The following CACHD1 variants were observed in gnomAD, a reference collection of about 807,000 sequenced individuals.
CACHD1 encodes cache domain containing 1, also known as VWFA and cache domain-containing protein 1.
A neutral mutation model predicts 138.7 loss-of-function variants in CACHD1; 71 were observed. The ratio of observed to expected loss-of-function variants is 0.51; its 90% CI spans 0.42 to 0.62. CACHD1 has a LOEUF of 0.62. Among genes scored for constraint, CACHD1 ranks in the 20% least tolerant of loss-of-function variants. The pLI is 0.00. For synonymous variants in CACHD1, 578 were observed against 591.5 expected, an observed-to-expected ratio of 0.98 and a Z score of 0.33; for missense variants, 1,389 against 1,625.3, an observed-to-expected ratio of 0.85 and a Z score of 2.50.
chr1:64,651,263 C>T lies in CACHD1; in HGVS notation c.1391-898C>T, dbSNP rs146820293. Reference sequence around the variant, plus strand: ...CATAAAAATTTAGGAACTCCTGGCCCGAATGACTGGAAATACATTCCTTTG... The same window carrying T: ...CATAAAAATTTAGGAACTCCTGGCCTGAATGACTGGAAATACATTCCTTTG... On this transcript the variant is annotated intron_variant, in intron 9 of 26. Coordinates refer to ENST00000651257, the MANE Select transcript of CACHD1 (RefSeq NM_020925.4). 2.0e-5 allele frequency among the ~76,000 whole-genome samples: 3 copies of T among 152,230 alleles called. No individual in the cohort carries two copies. The East Asian group carries it at 5.8e-4, about 29-fold the overall frequency.
At chr1:64,585,113 G>A (rs1322177737) in intron 3 of CACHD1, among the ~76,000 whole-genome samples, 1 of 152,204 alleles carries the variant, frequency 6.6e-6, no homozygotes, top group Non-Finnish European at 1.5e-5. Context: ...GGATTAGTTA[G>A]GAAAATTGTA....
chr1:64,487,694 A>T (rs1339030565), intron 1 of CACHD1, among the ~76,000 whole-genome samples: 2 of 152,330 alleles, frequency 1.3e-5, no homozygotes, highest in East Asian at 3.9e-4. Flanking sequence ...CAAGACAGAC[A>T]TGAAACAAAG....
chr1:64,688,044 G>T (rs1396757110), intron 26 of CACHD1, among the ~76,000 whole-genome samples: 1 of 151,844 alleles, frequency 6.6e-6, no homozygotes. Context: ...GGTTGGGAAA[G>T]CTTCCCAGAG....
intron 13 of CACHD1, among the ~76,000 whole-genome samples, chr1:64,660,389 G>A (rs1649401739): frequency 6.6e-6 from 1 of 152,046 alleles, no homozygotes; most frequent in Non-Finnish European, 1.5e-5. Context: ...TCCAAATTGA[G>A]GTGTATGGTA....
At chr1:64,676,795 A>G (rs1406696568) in intron 21 of CACHD1, 100 bp from the exon 22 acceptor site, 1 of 881,100 alleles carries the variant, frequency 1.1e-6, no homozygotes, top group East Asian at 2.5e-5. Flanking sequence ...CAAAGCCAGG[A>G]TTCAAACCCA....
intron 1 of CACHD1, among the ~76,000 whole-genome samples, chr1:64,508,001 G>T (rs952587594): frequency 6.6e-6 from 1 of 152,178 alleles, no homozygotes; most frequent in African/African-American, 2.4e-5. Flanking sequence ...GGTTTCATAG[G>T]CTGTACAGAA....
intron 7 of CACHD1, among the ~76,000 whole-genome samples, chr1:64,637,349 T>G (rs1648560450): frequency 6.6e-6 from 1 of 152,172 alleles, no homozygotes; most frequent in Non-Finnish European, 1.5e-5. Flanking sequence ...ATCCAGAGGG[T>G]AGCTGCTCCT....
rs1205650758 is a variant in CACHD1 at position 64,653,796 on chromosome 1, T to A, written c.1579T>A (p.Leu527Ile). The A allele has an allele frequency of 6.2e-7, 1 of 1,613,396 alleles. No homozygotes were observed. Among genetic ancestry groups the A allele is most frequent in the Non-Finnish European group, 8.5e-7 (1 of 1,179,530 alleles). ...LMHPSLTRPY[L>I]LSEPPLHTDI... is the part of the protein sequence containing the mutation. ...GCACCCATCTCTTACCAGGCCATAT[T>A]TATTGTCAGAGCCCCCACTTCATAC... Residue 527 changes from leucine to isoleucine, a missense_variant, in exon 11 of 27, where the codon TTA (leucine) becomes ATA (isoleucine). Leu to Ile is a conservative substitution (Grantham distance 5). Transcript: ENST00000651257.
At chr1:64,625,228 T>G (rs939252352) in intron 4 of CACHD1, among the ~76,000 whole-genome samples, 3 of 152,158 alleles carry the variant, frequency 2.0e-5, no homozygotes, top group Non-Finnish European at 4.4e-5. Context: ...TTGTCACTTA[T>G]AAGTGGGAGC....
chr1:64,679,872 A>G lies in CACHD1; in HGVS notation c.3406+116A>G, dbSNP rs576501446. The G allele has an allele frequency of 1.3e-5, 16 of 1,215,370 alleles. No individual in the cohort carries two copies. The East Asian group carries it at 3.8e-4, about 29-fold the overall frequency. 75.3% of individuals were successfully genotyped at this position (1,215,370 alleles called of 1,614,324 possible). A position where few individuals can be genotyped will look rare whatever the true frequency, so the allele number is the denominator to read the frequency against. On this transcript the variant is annotated intron_variant, in intron 24 of 26. Transcript: ENST00000651257. Reference sequence around the variant, plus strand: ...AGTGCTATACTTTCAGCTTCTGTGGAGTCATTTTGGAAGTTCCCAAAGCCT... The same window carrying G: ...AGTGCTATACTTTCAGCTTCTGTGGGGTCATTTTGGAAGTTCCCAAAGCCT...
At chr1:64,618,310 A>AT (rs1647785968) in intron 4 of CACHD1, among the ~76,000 whole-genome samples, 1 of 152,188 alleles carries the variant, frequency 6.6e-6, no homozygotes, top group Non-Finnish European at 1.5e-5. Flanking sequence ...ACTTCTTGCC[A>AT]TCCCACTCAA....
intron 4 of CACHD1, among the ~76,000 whole-genome samples, chr1:64,614,191 T>C (rs1299886508): frequency 6.6e-6 from 1 of 152,248 alleles, no homozygotes; most frequent in African/African-American, 2.4e-5. Context: ...GCTGGGCATC[T>C]CCCTGTGCAT....
chr1:64,516,537 GA>G (rs952039137), intron 1 of CACHD1, among the ~76,000 whole-genome samples: 3 of 152,058 alleles, frequency 2.0e-5, no homozygotes, highest in Non-Finnish European at 2.9e-5. Context: ...TGTCACGTTG[GA>G]AAAAAGGAAT....
chr1:64,678,154 G>A lies in CACHD1; in HGVS notation c.3093-5G>A, dbSNP rs776030858. The A allele has an allele frequency of 6.2e-7, 1 of 1,608,592 alleles. No individual in the cohort carries two copies. The highest frequency in any genetic ancestry group is 1.1e-5 in the South Asian group (1 of 89,646). On this transcript the variant is annotated splice_polypyrimidine_tract_variant and splice_region_variant and intron_variant, in intron 22 of 26. Coordinates refer to ENST00000651257, the MANE Select transcript of CACHD1 (RefSeq NM_020925.4). ...ATAGAAGACTAAGTATTGTTTTTCT[G>A]GCAGGGACTGTTTTGGGGTGCTGGA...
At chr1:64,523,452 G>C (rs1442650873) in intron 1 of CACHD1, among the ~76,000 whole-genome samples, 1 of 152,188 alleles carries the variant, frequency 6.6e-6, no homozygotes, top group African/African-American at 2.4e-5. Context: ...TTACATAAAA[G>C]TGAGTCTTTC....
intron 5 of CACHD1, among the ~76,000 whole-genome samples, chr1:64,630,632 A>T (rs1325935582): frequency 1.3e-5 from 2 of 151,958 alleles, no homozygotes; most frequent in African/African-American, 4.8e-5. Context: ...TTCCCTCCCC[A>T]CACATTCTGG....
Position 64,664,538 on chromosome 1 carries a change from C to G in CACHD1, c.2135C>G (p.Thr712Arg). The G allele has an allele frequency of 6.2e-7, 1 of 1,614,224 alleles. No homozygotes were observed. The highest frequency in any genetic ancestry group is 8.5e-7 in the Non-Finnish European group (1 of 1,180,030). Residue 712 changes from threonine (T) to arginine (R), a missense_variant, in exon 15 of 27, where the codon ACA (threonine) becomes AGA (arginine). Thr to Arg is a moderately conservative substitution (Grantham distance 71). This residue lies in a region of CACHD1 where 1,000 missense variants were observed against 1,114.7 expected (regional missense o/e 0.90). Transcript: ENST00000651257. ...GAAGTAATGGCTACCAGCCACGTCA[C>G]AGATGAATGGATGACACAAATGGAA... ...RNEVMATSHVTDEWMTQMEMS... is the reference protein window; with the variant it reads ...RNEVMATSHVRDEWMTQMEMS...
At chr1:64,490,222 G>A (rs186458054) in intron 1 of CACHD1, among the ~76,000 whole-genome samples, 1 of 152,174 alleles carries the variant, frequency 6.6e-6, no homozygotes, top group Non-Finnish European at 1.5e-5. Flanking sequence ...GGCAGAAGCA[G>A]CCCTCTCTCT....
At chr1:64,484,602 C>G (rs543119506) in intron 1 of CACHD1, among the ~76,000 whole-genome samples, 186 of 152,330 alleles carry the variant, frequency 1.2e-3, no homozygotes, top group African/African-American at 4.4e-3. Flanking sequence ...TTTTCATCTT[C>G]CCAAACTCTG....
Sources: gnomAD v4.1 joint callset for allele counts (sites outside exome capture counted in the v4.1 genomes callset) on GRCh38, gnomAD v4.1.1 for gene constraint, gnomAD v4.1.1 regional missense constraint, MANE v1.5 for transcripts, NCBI Gene and HGNC (gene_info 2026-07-23, HGNC 2026-07-21) for gene names.